Variants in KCNH8 observed in about 807,000 individuals in gnomAD.
KCNH8 encodes voltage-gated delayed rectifier potassium channel KCNH8.
A neutral mutation model predicts 103.6 loss-of-function variants in KCNH8; 70 were observed. The ratio of observed to expected loss-of-function variants is 0.68; its 90% CI spans 0.56 to 0.82. The LOEUF is 0.82. KCNH8 is among the 40% of genes least tolerant of loss of function. KCNH8 has a pLI of 0.00. For missense variants in KCNH8, 1,217 were observed against 1,329.9 expected, an observed-to-expected ratio of 0.92 and a Z score of 1.32; for synonymous variants, 498 against 489.4, an observed-to-expected ratio of 1.02 and a Z score of -0.23.
Position 19,272,418 on chromosome 3 carries a change from C to T in KCNH8, c.311-8780C>T, listed in dbSNP as rs1283440975. ...AGTAGTTGGCTGATGGCCCCAGCTGCGGTGCTCTGAAACGCATCACCGGAT... is the reference window on the plus strand; with the variant it reads ...AGTAGTTGGCTGATGGCCCCAGCTGTGGTGCTCTGAAACGCATCACCGGAT... On this transcript the variant is annotated intron_variant, in intron 2 of 15. Transcript: ENST00000328405. Among the ~76,000 whole-genome samples, 8 of 152,068 alleles carry T rather than the reference C, an allele frequency of 5.3e-5. No homozygotes were observed. In the East Asian group the frequency reaches 5.8e-4, roughly 11 times the overall value.
intron 2 of KCNH8, among the ~76,000 whole-genome samples, chr3:19,255,962 G>A (rs1398825715): frequency 6.6e-6 from 1 of 152,082 alleles, no homozygotes. Context: ...TTTCTATCTT[G>A]TTTTGTTGCA....
chr3:19,158,271 C>T (rs2063200543), intron 1 of KCNH8, among the ~76,000 whole-genome samples: 1 of 151,120 alleles, frequency 6.6e-6, no homozygotes, highest in Non-Finnish European at 1.5e-5. Context: ...TTTTATATTC[C>T]TCTATGTAAT....
At chr3:19,325,912 C>T (rs2065416514) in intron 3 of KCNH8, among the ~76,000 whole-genome samples, 11 of 152,000 alleles carry the variant, frequency 7.2e-5, no homozygotes, top group Admixed American at 7.2e-4. Flanking sequence ...GCATTATTCG[C>T]AATAGCAAAA....
intron 1 of KCNH8, among the ~76,000 whole-genome samples, chr3:19,190,325 A>G (rs1559415250): frequency 6.6e-6 from 1 of 151,950 alleles, no homozygotes; most frequent in Non-Finnish European, 1.5e-5. Flanking sequence ...TTCTCTGAGG[A>G]GATCCAAGGT....
intron 15 of KCNH8, among the ~76,000 whole-genome samples, chr3:19,527,183 G>A (rs1482422036): frequency 2.6e-5 from 4 of 151,986 alleles, no homozygotes; most frequent in Non-Finnish European, 5.9e-5. Context: ...TTGCTACTGC[G>A]AAGATCCAGG....
chr3:19,349,590 T>G (rs1467619994), intron 5 of KCNH8, among the ~76,000 whole-genome samples: 1 of 152,154 alleles, frequency 6.6e-6, no homozygotes, highest in African/African-American at 2.4e-5. Flanking sequence ...ATCTTGAACT[T>G]TCCTTTCCAT....
intron 1 of KCNH8, among the ~76,000 whole-genome samples, chr3:19,205,386 T>C (rs2063704758): frequency 6.6e-6 from 1 of 152,066 alleles, no homozygotes; most frequent in African/African-American, 2.4e-5. Context: ...CTAGAGTTAC[T>C]CTTATGCTAA....
intron 2 of KCNH8, among the ~76,000 whole-genome samples, chr3:19,262,525 G>C (rs2064450748): frequency 6.6e-6 from 1 of 151,914 alleles, no homozygotes; most frequent in African/African-American, 2.4e-5. Context: ...TAAATTTGAA[G>C]CACATGTGAC....
chr3:19,355,154 A>G (rs2065862839), intron 5 of KCNH8, among the ~76,000 whole-genome samples: 1 of 152,218 alleles, frequency 6.6e-6, no homozygotes, highest in Non-Finnish European at 1.5e-5. Context: ...ACTGGACATC[A>G]GAGAAATGCA....
chr3:19,487,674 C>T (rs748699004), intron 11 of KCNH8, among the ~76,000 whole-genome samples: 7 of 152,002 alleles, frequency 4.6e-5, no homozygotes, highest in Admixed American at 1.3e-4. Flanking sequence ...TGGCCTGGCT[C>T]GGTTAGAAAA....
intron 3 of KCNH8, among the ~76,000 whole-genome samples, chr3:19,303,604 A>G (rs1048027519): frequency 2.0e-5 from 3 of 152,118 alleles, no homozygotes; most frequent in Admixed American, 6.5e-5. Context: ...CATTGAGACA[A>G]TCCTTCCAAA....
intron 7 of KCNH8, among the ~76,000 whole-genome samples, chr3:19,397,783 T>C (rs967146098): frequency 5.3e-5 from 8 of 151,818 alleles, no homozygotes; most frequent in African/African-American, 1.7e-4. Flanking sequence ...TGTGTAAATA[T>C]TGGGTTTACA....
chr3:19,265,756 CA>C (rs1388030337), intron 2 of KCNH8, among the ~76,000 whole-genome samples: 3 of 152,026 alleles, frequency 2.0e-5, no homozygotes, highest in African/African-American at 7.2e-5. Context: ...AAAATTAACA[CA>C]AAATTTACAT....
At chr3:19,464,826 C>A (rs186201110) in intron 11 of KCNH8, among the ~76,000 whole-genome samples, 6 of 152,144 alleles carry the variant, frequency 3.9e-5, no homozygotes, top group Admixed American at 3.3e-4. Context: ...ACACCTCTTC[C>A]CTCCTCAGTC....
At chr3:19,428,986 C>G (rs80252803) in intron 7 of KCNH8, among the ~76,000 whole-genome samples, 12,214 of 152,038 alleles carry the variant, frequency 0.08, 1,009 homozygotes, top group East Asian at 0.24. Flanking sequence ...AGGTCTCTCT[C>G]AGACAACGTC....
Position 19,170,673 on chromosome 3 carries a change from T to C in KCNH8, c.76+21878T>C, listed in dbSNP as rs192041432. On this transcript the variant is annotated intron_variant, in intron 1 of 15. Coordinates refer to ENST00000328405, the MANE Select transcript of KCNH8 (RefSeq NM_144633.3). ...ACACACATATATACACACATATATATACACACACACATATATACACACATA... is the reference window on the plus strand; with the variant it reads ...ACACACATATATACACACATATATACACACACACACATATATACACACATA... Among the ~76,000 whole-genome samples, 417 of 141,344 alleles carry C rather than the reference T, an allele frequency of 3.0e-3. 2 individuals carry two copies. Among genetic ancestry groups the C allele is most frequent in the East Asian group, 0.013 (64 of 5,066 alleles). The allele number at this position is 141,344 out of a possible 152,430, so 92.7% of individuals were successfully genotyped here. A position where few individuals can be genotyped will look rare whatever the true frequency, so the allele number is the denominator to read the frequency against.
intron 2 of KCNH8, among the ~76,000 whole-genome samples, chr3:19,269,125 C>G (rs2064553663): frequency 6.6e-6 from 1 of 151,944 alleles, no homozygotes; most frequent in South Asian, 2.1e-4. Flanking sequence ...ATCCACAGAG[C>G]ACTGTTGATG....
chr3:19,259,117 A>G (rs1167431839), intron 2 of KCNH8, among the ~76,000 whole-genome samples: 1 of 151,166 alleles, frequency 6.6e-6, no homozygotes, highest in Non-Finnish European at 1.5e-5. Flanking sequence ...CTCTGTACTC[A>G]CAAATGCATT....
chr3:19,286,405 C>G (rs915381840), intron 3 of KCNH8, among the ~76,000 whole-genome samples: 2 of 152,212 alleles, frequency 1.3e-5, no homozygotes, highest in Non-Finnish European at 2.9e-5. Flanking sequence ...AGAGGGACTG[C>G]TGACCATGGG....
Sources: gnomAD v4.1 joint callset for allele counts (sites outside exome capture counted in the v4.1 genomes callset) on GRCh38, gnomAD v4.1.1 for gene constraint, MANE v1.5 for transcripts, NCBI Gene and HGNC (gene_info 2026-07-23, HGNC 2026-07-21) for gene names.